The following ACYP2 variants were observed in gnomAD, a reference collection of about 807,000 sequenced individuals.
ACYP2 encodes acylphosphatase 2.
A neutral mutation model predicts 11.2 loss-of-function variants in ACYP2; 12 were observed. The ratio of observed to expected loss-of-function variants is 1.08; its 90% CI spans 0.69 to 1.74. The LOEUF is 1.74. ACYP2 is among the 40% of genes most tolerant of loss of function. ACYP2 has a pLI of 0.00. For missense variants in ACYP2, 134 were observed against 101.9 expected, an observed-to-expected ratio of 1.31 and a Z score of -1.35; for synonymous variants, 43 against 32.2, an observed-to-expected ratio of 1.33 and a Z score of -1.13.
At position 54,116,219 on chromosome 2, in the gene ACYP2, A is replaced by C. The variant is rs554690032; in HGVS notation, c.278-19234A>C. On this transcript the variant is annotated intron_variant, in intron 4 of 6. Coordinates refer to ENST00000607452, the MANE Select transcript of ACYP2 (RefSeq NM_001320586.2). Reference sequence around the variant, plus strand: ...TTTTTAGACCTCTTTGTAGCTCTTAAAAGAATGAAATTGTTATCTAATTTT... The same window carrying C: ...TTTTTAGACCTCTTTGTAGCTCTTACAAGAATGAAATTGTTATCTAATTTT... 5.3e-5 allele frequency among the ~76,000 whole-genome samples: 8 copies of C among 152,330 alleles called. No individual in the cohort carries two copies. The South Asian group carries it at 1.7e-3, about 32-fold the overall frequency.
intron 6 of ACYP2, among the ~76,000 whole-genome samples, chr2:54,212,380 A>G (rs1685363149): frequency 6.6e-6 from 1 of 152,162 alleles, no homozygotes. Flanking sequence ...TTCAATTTTA[A>G]TTTGAGTTCA....
intron 4 of ACYP2, among the ~76,000 whole-genome samples, chr2:54,098,424 C>T (rs998650254): frequency 2.0e-5 from 3 of 152,044 alleles, no homozygotes; most frequent in African/African-American, 7.2e-5. Flanking sequence ...ATTTCCTCTC[C>T]CTGCCATTGA....
At chr2:54,176,668 C>T (rs930115005) in intron 6 of ACYP2, among the ~76,000 whole-genome samples, 2 of 152,184 alleles carry the variant, frequency 1.3e-5, no homozygotes, top group African/African-American at 4.8e-5. Flanking sequence ...ATGCTTCCCT[C>T]AGCCTCATCC....
chr2:54,191,180 C>T (rs1684223359), intron 6 of ACYP2, among the ~76,000 whole-genome samples: 2 of 152,100 alleles, frequency 1.3e-5, no homozygotes, highest in African/African-American at 2.4e-5. Context: ...GCACAACAGC[C>T]ACCCTAACCC....
chr2:54,288,760 GT>G (rs1320641134), intron 6 of ACYP2, among the ~76,000 whole-genome samples: 2 of 151,912 alleles, frequency 1.3e-5, no homozygotes, highest in Non-Finnish European at 2.9e-5. Flanking sequence ...CTGCTAACTA[GT>G]TTTTTTCTTT....
chr2:54,207,171 A>ATGTG (rs1462290345), intron 6 of ACYP2, among the ~76,000 whole-genome samples: 14 of 68,466 alleles, frequency 2.0e-4, no homozygotes, highest in African/African-American at 5.3e-4. Flanking sequence ...TACAACATGT[A>ATGTG]TATGTGTGTG....
chr2:54,053,269 G>A (rs181296320), intron 3 of ACYP2, among the ~76,000 whole-genome samples: 1 of 152,274 alleles, frequency 6.6e-6, no homozygotes, highest in East Asian at 1.9e-4. Flanking sequence ...TAGGCATGCT[G>A]GGGGCCCCAT....
chr2:54,246,159 T>C (rs531472324), intron 6 of ACYP2, among the ~76,000 whole-genome samples: 2 of 152,320 alleles, frequency 1.3e-5, no homozygotes, highest in African/African-American at 4.8e-5. Flanking sequence ...CAAAAATGGG[T>C]TGCCTGTAGA....
intron 2 of ACYP2, among the ~76,000 whole-genome samples, chr2:54,011,054 A>G (rs1481125443): frequency 6.6e-6 from 1 of 151,978 alleles, no homozygotes; most frequent in Non-Finnish European, 1.5e-5. Flanking sequence ...GACACGTCAC[A>G]TTATTAATAA....
At chr2:54,026,632 G>T (rs953593702) in intron 2 of ACYP2, among the ~76,000 whole-genome samples, 3 of 152,066 alleles carry the variant, frequency 2.0e-5, no homozygotes, top group Non-Finnish European at 2.9e-5. Context: ...AGCACAATTC[G>T]CAACTGCAAA....
chr2:53,988,891 T>C (rs925913347), intron 2 of ACYP2, among the ~76,000 whole-genome samples: 2 of 151,852 alleles, frequency 1.3e-5, no homozygotes, highest in East Asian at 3.9e-4. Flanking sequence ...GGATTACAGG[T>C]GCGCGCTACC....
chr2:54,070,195 G>A (rs1444554200), intron 4 of ACYP2, among the ~76,000 whole-genome samples: 1 of 150,350 alleles, frequency 6.7e-6, no homozygotes, highest in African/African-American at 2.4e-5. Context: ...TCTTGAACCT[G>A]AGAGTTGGAG....
Position 54,267,349 on chromosome 2 carries a change from G to A in ACYP2, c.405-37339G>A, listed in dbSNP as rs760353715. On this transcript the variant is annotated intron_variant, in intron 6 of 6. Transcript: ENST00000607452. ...AGAAAAGAAACAAGATAGGGCAACAGCTAGAGGAGAATTCAGGTGAGAGGT... is the reference window on the plus strand; with the variant it reads ...AGAAAAGAAACAAGATAGGGCAACAACTAGAGGAGAATTCAGGTGAGAGGT... 10 of 1,548,380 alleles carry A rather than the reference G, an allele frequency of 6.5e-6. No individual in the cohort carries two copies. In the South Asian group the frequency reaches 1.1e-4, roughly 17 times the overall value.
At chr2:54,213,072 T>C (rs912962439) in intron 6 of ACYP2, among the ~76,000 whole-genome samples, 1 of 152,218 alleles carries the variant, frequency 6.6e-6, no homozygotes, top group African/African-American at 2.4e-5. Flanking sequence ...TGATAGTTTT[T>C]CGATGGTCAC....
intron 6 of ACYP2, among the ~76,000 whole-genome samples, chr2:54,158,480 A>C (rs549230762): frequency 1.3e-5 from 2 of 152,238 alleles, no homozygotes; most frequent in East Asian, 3.9e-4. Context: ...CACTGGGATG[A>C]CAGGCATGAG....
intron 4 of ACYP2, among the ~76,000 whole-genome samples, chr2:54,093,261 T>G (rs1241217515): frequency 2.6e-5 from 4 of 152,156 alleles, no homozygotes; most frequent in Admixed American, 6.5e-5. Flanking sequence ...TATGTAAAGG[T>G]GTAAGCATAT....
chr2:54,125,948 G>A (rs1218003188), intron 4 of ACYP2, among the ~76,000 whole-genome samples: 1 of 151,374 alleles, frequency 6.6e-6, no homozygotes, highest in African/African-American at 2.4e-5. Context: ...GGGCATGGTG[G>A]TGCACGCCTA....
chr2:54,174,653 C>T (rs1683361042), intron 6 of ACYP2, among the ~76,000 whole-genome samples: 1 of 152,138 alleles, frequency 6.6e-6, no homozygotes, highest in South Asian at 2.1e-4. Flanking sequence ...ATGATATTGG[C>T]TGTGGGTTTG....
chr2:54,058,869 T>C (rs1676309871), intron 4 of ACYP2, among the ~76,000 whole-genome samples: 1 of 152,126 alleles, frequency 6.6e-6, no homozygotes, highest in South Asian at 2.1e-4. Flanking sequence ...GGAGGAGGGA[T>C]GTTTATCTTG....
Sources: gnomAD v4.1 joint callset for allele counts (sites outside exome capture counted in the v4.1 genomes callset) on GRCh38, gnomAD v4.1.1 for gene constraint, MANE v1.5 for transcripts, NCBI Gene and HGNC (gene_info 2026-07-23, HGNC 2026-07-21) for gene names.